Variants in LDAH observed in about 807,000 individuals in gnomAD.
LDAH encodes lipid droplet associated hydrolase, also known as lipid droplet-associated hydrolase.
A neutral mutation model predicts 29.6 loss-of-function variants in LDAH; 26 were observed. That is an observed-to-expected ratio of 0.88 (90% CI 0.64 to 1.22). The LOEUF (loss-of-function observed/expected upper bound fraction) is 1.22. LDAH is among the 50% of genes most tolerant of loss of function. LDAH has a pLI of 0.00. For synonymous variants in LDAH, 117 were observed against 133.0 expected (o/e 0.88, Z 0.83); for missense variants, 344 against 387.3 (o/e 0.89, Z 0.94).
At chr2:20,765,506 T>C (rs903341121) in intron 4 of LDAH, among the ~76,000 whole-genome samples, 5 of 152,256 alleles carry the variant, frequency 3.3e-5, no homozygotes, top group African/African-American at 1.2e-4. Context: ...CTATATAACA[T>C]AGCATCTCTA....
intron 3 of LDAH, among the ~76,000 whole-genome samples, chr2:20,784,509 A>C (rs1472784963): frequency 6.6e-6 from 1 of 151,974 alleles, no homozygotes; most frequent in African/African-American, 2.4e-5. Flanking sequence ...TTAAAATCCT[A>C]CTCTCTATTC....
chr2:20,794,642 C>A (rs590370), intron 2 of LDAH, among the ~76,000 whole-genome samples: 2,541 of 152,138 alleles, frequency 0.017, 68 homozygotes, highest in African/African-American at 0.058. Flanking sequence ...AAAAGAAAAA[C>A]CATACGATCC....
chr2:20,710,606 G>GTGTGTATATATATATCTA (rs1467950593), intron 5 of LDAH, among the ~76,000 whole-genome samples: 149 of 131,850 alleles, frequency 1.1e-3, no homozygotes, highest in South Asian at 2.8e-3. Context: ...GTGTGTGTGT[G>GTGTGTATATATATATCTA]TATATATATA....
chr2:20,813,141 T>C (rs756153551), intron 1 of LDAH, among the ~76,000 whole-genome samples: 3 of 152,188 alleles, frequency 2.0e-5, no homozygotes, highest in Non-Finnish European at 4.4e-5. Flanking sequence ...TGAGATATAA[T>C]GCATGCTGTG....
intron 3 of LDAH, among the ~76,000 whole-genome samples, chr2:20,778,117 T>C (rs1267323472): frequency 6.6e-6 from 1 of 152,238 alleles, no homozygotes; most frequent in South Asian, 2.1e-4. Flanking sequence ...ACTGTTATTG[T>C]ATCTATGCAG....
At chr2:20,789,034 T>C in intron 3 of LDAH, 3 of 1,262,910 alleles carry the variant, frequency 2.4e-6, no homozygotes, top group Non-Finnish European at 3.3e-6. Flanking sequence ...TGGCCCTGCT[T>C]AGCAGTAACA....
chr2:20,693,455 A>ATACTTCCACTTTTAT, intron 6 of LDAH, among the ~76,000 whole-genome samples: 10 of 152,364 alleles, frequency 6.6e-5, no homozygotes, highest in African/African-American at 2.4e-4. Context: ...CTCATTATCT[A>ATACTTCCACTTTTAT]AAAAATGTAC....
At chr2:20,706,184 A>T (rs1271314502) in intron 5 of LDAH, among the ~76,000 whole-genome samples, 3 of 152,250 alleles carry the variant, frequency 2.0e-5, no homozygotes, top group Non-Finnish European at 2.9e-5. Context: ...GAGAAGGTGA[A>T]GGAATGAAAA....
intron 5 of LDAH, 125 bp downstream of exon 5, chr2:20,739,846 T>A: frequency 1.6e-6 from 1 of 640,118 alleles, no homozygotes; most frequent in African/African-American, 1.8e-5. Flanking sequence ...AGTTTTAAAC[T>A]TTTGGAAGAG....
chr2:20,752,033 A>G (rs1460437515), intron 4 of LDAH, among the ~76,000 whole-genome samples: 2 of 152,070 alleles, frequency 1.3e-5, no homozygotes, highest in African/African-American at 4.8e-5. Flanking sequence ...CTGGAACTAC[A>G]GGTGTGCGCC....
chr2:20,770,082 G>C (rs1371490751), intron 4 of LDAH, among the ~76,000 whole-genome samples: 2 of 152,120 alleles, frequency 1.3e-5, no homozygotes, highest in Non-Finnish European at 2.9e-5. Flanking sequence ...CAAAATAATA[G>C]TGTTATTACC....
chr2:20,753,003 A>G (rs1413247179), intron 4 of LDAH, among the ~76,000 whole-genome samples: 1 of 152,184 alleles, frequency 6.6e-6, no homozygotes, highest in Non-Finnish European at 1.5e-5. Context: ...AACAACAGCA[A>G]CAACAAAAAC....
At chr2:20,756,011 G>A (rs1239889819) in intron 4 of LDAH, among the ~76,000 whole-genome samples, 1 of 152,052 alleles carries the variant, frequency 6.6e-6, no homozygotes, top group African/African-American at 2.4e-5. Flanking sequence ...AAAACCTCCT[G>A]ATAGTTTTGG....
intron 4 of LDAH, among the ~76,000 whole-genome samples, chr2:20,750,438 T>G (rs1667893620): frequency 6.6e-6 from 1 of 152,226 alleles, no homozygotes; most frequent in Non-Finnish European, 1.5e-5. Flanking sequence ...GCTGATAGCC[T>G]TTGTCCATCA....
chr2:20,778,066 A>G (rs1439541680), intron 3 of LDAH, among the ~76,000 whole-genome samples: 1 of 152,214 alleles, frequency 6.6e-6, no homozygotes, highest in East Asian at 1.9e-4. Context: ...AATCCACCAT[A>G]TTGTTACCAA....
chr2:20,739,689 T>C (rs1667036601), intron 5 of LDAH, among the ~76,000 whole-genome samples: 1 of 152,326 alleles, frequency 6.6e-6, no homozygotes, highest in African/African-American at 2.4e-5. Context: ...ACTCCATATA[T>C]ACTATGTACT....
At chr2:20,693,829 C>T (rs1010630002) in intron 6 of LDAH, among the ~76,000 whole-genome samples, 1 of 152,234 alleles carries the variant, frequency 6.6e-6, no homozygotes, top group Non-Finnish European at 1.5e-5. Context: ...TCTGTTAGCA[C>T]TTCATCAACA....
At chr2:20,797,079 A>G (rs1342080016) in intron 2 of LDAH, among the ~76,000 whole-genome samples, 1 of 152,230 alleles carries the variant, frequency 6.6e-6, no homozygotes, top group Non-Finnish European at 1.5e-5. Context: ...TGCCATGACT[A>G]TAATTTCAAA....
At chr2:20,793,378 G>GGA (rs953796534) in intron 2 of LDAH, among the ~76,000 whole-genome samples, 6 of 152,124 alleles carry the variant, frequency 3.9e-5, no homozygotes, top group Admixed American at 2.6e-4. Context: ...TAAATACTAA[G>GGA]GAGGGAGAAG....
Sources: gnomAD v4.1 joint callset for allele counts (sites outside exome capture counted in the v4.1 genomes callset) on GRCh38, gnomAD v4.1.1 for gene constraint, MANE v1.5 for transcripts, NCBI Gene and HGNC (gene_info 2026-07-23, HGNC 2026-07-21) for gene names.